The following PSEN1 variants were observed in gnomAD, a reference collection of about 807,000 sequenced individuals.
PSEN1 encodes the protein presenilin-1.
A neutral mutation model predicts 53.5 loss-of-function variants in PSEN1; 15 were observed. The ratio of observed to expected loss-of-function variants is 0.28; its 90% confidence interval spans 0.19 to 0.43. The LOEUF is 0.43. Among genes scored for constraint, PSEN1 ranks in the 20% least tolerant of loss-of-function variants. The pLI is 1.00. For synonymous variants in PSEN1, 208 were observed against 209.8 expected, an observed-to-expected ratio of 0.99 and a Z score of 0.08; for missense variants, 387 against 571.2, an observed-to-expected ratio of 0.68 and a Z score of 3.29.
At chr14:73,145,168 C>T (rs1416256532) in intron 1 of PSEN1, among the ~76,000 whole-genome samples, 2 of 152,022 alleles carry the variant, frequency 1.3e-5, no homozygotes, top group East Asian at 3.9e-4. Context: ...GCTGGGATTA[C>T]AGGCATGAGC....
At chr14:73,215,308 G>T (rs933237865) in intron 10 of PSEN1, among the ~76,000 whole-genome samples, 2 of 151,618 alleles carry the variant, frequency 1.3e-5, no homozygotes, top group East Asian at 4.0e-4. Flanking sequence ...ATAAGGCCAG[G>T]TGTGGTGGCT....
intron 5 of PSEN1, among the ~76,000 whole-genome samples, chr14:73,184,220 C>T (rs1898356496): frequency 7.8e-6 from 1 of 127,788 alleles, no homozygotes; most frequent in African/African-American, 3.0e-5. Context: ...CCCCACCTCC[C>T]TCCCGGACGG....
At chr14:73,186,328 G>A (rs891235492) in intron 5 of PSEN1, among the ~76,000 whole-genome samples, 4 of 152,080 alleles carry the variant, frequency 2.6e-5, no homozygotes, top group South Asian at 2.1e-4. Context: ...GCGGTGAGCC[G>A]AGATTGCGCC....
intron 9 of PSEN1, among the ~76,000 whole-genome samples, chr14:73,209,682 G>T (rs986904604): frequency 2.0e-5 from 3 of 152,214 alleles, no homozygotes; most frequent in African/African-American, 7.2e-5. Flanking sequence ...AAGTTGCTAT[G>T]AAAGTTTATA....
chr14:73,204,396 T>C (rs1364232931), intron 8 of PSEN1, among the ~76,000 whole-genome samples: 8 of 151,856 alleles, frequency 5.3e-5, no homozygotes, highest in Non-Finnish European at 7.4e-5. Context: ...TAAAAAAATA[T>C]TATTTTAGGA....
At chr14:73,184,755 ACCTC>A (rs1294028067) in intron 5 of PSEN1, among the ~76,000 whole-genome samples, 1 of 92,958 alleles carries the variant, frequency 1.1e-5, no homozygotes, top group Non-Finnish European at 2.2e-5. Context: ...GACCCCCCCC[ACCTC>A]CCTCCCGGAC....
chr14:73,210,325 T>A (rs2036472108), intron 9 of PSEN1, among the ~76,000 whole-genome samples: 1 of 152,156 alleles, frequency 6.6e-6, no homozygotes, highest in Non-Finnish European at 1.5e-5. Context: ...AGTAGTTTAG[T>A]TGTGAATATT....
chr14:73,196,955 C>T (rs1456957340), intron 7 of PSEN1, among the ~76,000 whole-genome samples: 12 of 122,808 alleles, frequency 9.8e-5, no homozygotes, highest in East Asian at 4.7e-4. Flanking sequence ...TTTTTTGAGA[C>T]GGAGTCTCGC....
chr14:73,141,805 C>T (rs543599749), intron 1 of PSEN1, among the ~76,000 whole-genome samples: 40 of 151,532 alleles, frequency 2.6e-4, no homozygotes, highest in African/African-American at 9.0e-4. Flanking sequence ...CCGTGGCTCA[C>T]GCCTGTAATC....
intron 3 of PSEN1, chr14:73,168,354 C>CA (rs535866588): frequency 0.024 from 2,719 of 111,018 alleles, 20 homozygotes; most frequent in Admixed American, 0.03. Flanking sequence ...GACTCTGTCT[C>CA]AAAAAAAAAA....
At chr14:73,151,163 C>G (rs1897212759) in intron 3 of PSEN1, among the ~76,000 whole-genome samples, 2 of 152,158 alleles carry the variant, frequency 1.3e-5, no homozygotes, top group Non-Finnish European at 2.9e-5. Context: ...AGAGACATTC[C>G]TATGTAGAAT....
intron 3 of PSEN1, among the ~76,000 whole-genome samples, chr14:73,157,248 C>T (rs201052276): frequency 1.3e-5 from 2 of 151,980 alleles, no homozygotes; most frequent in South Asian, 4.2e-4. Flanking sequence ...GCCTCAGCCT[C>T]CTGAGTAGCT....
chr14:73,194,721 A>C (rs1290358334), intron 7 of PSEN1, among the ~76,000 whole-genome samples: 1 of 151,892 alleles, frequency 6.6e-6, no homozygotes, highest in African/African-American at 2.4e-5. Context: ...GGCATCTGCC[A>C]CCACGCCCGG....
intron 3 of PSEN1, among the ~76,000 whole-genome samples, chr14:73,165,011 C>T (rs1164916511): frequency 1.3e-5 from 2 of 151,992 alleles, no homozygotes; most frequent in South Asian, 4.1e-4. Context: ...GGTTGGAGTA[C>T]AGTGGCACGA....
At chr14:73,143,472 T>G (rs1402960911) in intron 1 of PSEN1, among the ~76,000 whole-genome samples, 2 of 152,134 alleles carry the variant, frequency 1.3e-5, no homozygotes, top group Middle Eastern at 3.2e-3. Flanking sequence ...TTTTCTGAGT[T>G]TTTTTTTACA....
chr14:73,189,954 C>A, intron 6 of PSEN1: 1 of 156,420 alleles, frequency 6.4e-6, no homozygotes, highest in Non-Finnish European at 1.4e-5. Context: ...TCCTTTGGAT[C>A]CACAGCCAGT....
chr14:73,182,775 G>T lies in PSEN1; in HGVS notation c.481-4078G>T, dbSNP rs151274214. On this transcript the variant is annotated intron_variant, in intron 5 of 11. Coordinates refer to ENST00000324501, the MANE Select transcript of PSEN1 (RefSeq NM_000021.4). ...AATTGCTTGAATCTGGGAGGTGGAG[G>T]TTGCAGTGAGCCAAGACCATGCTAC... Among the ~76,000 whole-genome samples, 240 of 151,824 alleles carry T rather than the reference G, an allele frequency of 1.6e-3. 2 individuals are homozygous for T. The highest frequency in any genetic ancestry group is 5.3e-3 in the African/African-American group (219 of 41,382).
At chr14:73,155,217 G>A (rs1227285926) in intron 3 of PSEN1, among the ~76,000 whole-genome samples, 2 of 152,056 alleles carry the variant, frequency 1.3e-5, no homozygotes, top group African/African-American at 4.8e-5. Context: ...TTAACAGTAG[G>A]GTCTCTTGAC....
chr14:73,199,814 CG>C (rs1899105530), intron 8 of PSEN1, among the ~76,000 whole-genome samples: 1 of 152,138 alleles, frequency 6.6e-6, no homozygotes. Context: ...GGTGCGATCT[CG>C]GCTCACTGCA....
Sources: gnomAD v4.1 joint callset for allele counts (sites outside exome capture counted in the v4.1 genomes callset) on GRCh38, gnomAD v4.1.1 for gene constraint, MANE v1.5 for transcripts, NCBI Gene and HGNC (gene_info 2026-07-23, HGNC 2026-07-21) for gene names.